Variants in FAT1 observed in about 807,000 individuals in gnomAD.
FAT1 encodes FAT atypical cadherin 1, also known as protocadherin Fat 1.
A neutral mutation model predicts 329.8 loss-of-function variants in FAT1; 171 were observed. The observed-to-expected ratio is 0.52, with a 90% confidence interval of 0.46 to 0.59. The LOEUF (loss-of-function observed/expected upper bound fraction) is 0.59, where lower values mean the gene tolerates loss of function less well. Among genes scored for constraint, FAT1 ranks in the 20% least tolerant of loss-of-function variants. The pLI, the probability that FAT1 is intolerant of heterozygous loss-of-function variation, is 0.00. For synonymous variants in FAT1, 2,233 were observed against 2,228.6 expected, an observed-to-expected ratio of 1.00 and a Z score of -0.06; for missense variants, 5,672 against 5,774.4, an observed-to-expected ratio of 0.98 and a Z score of 0.57.
At chr4:186,694,447 G>A (rs1293485293) in intron 2 of FAT1, among the ~76,000 whole-genome samples, 1 of 152,182 alleles carries the variant, frequency 6.6e-6, no homozygotes, top group East Asian at 1.9e-4. Flanking sequence ...GAGTTCCTAA[G>A]TAGCAAGAAG....
chr4:186,619,719 C>A lies in FAT1; in HGVS notation c.6867G>T (p.Ala2289=), dbSNP rs765727306. The part of the protein sequence containing the change: ...NPPVFAQQSY[A]VTLSEASVIG... ...TTACAGATGCCTCAGACAGGGTCAC[C>A]GCATAAGACTGCTGAGCAAACACAG... Residue 2289 remains alanine, a synonymous_variant, in exon 10 of 27, where the codon GCG becomes GCT. Transcript: ENST00000441802. 3 of 1,613,792 alleles carry A rather than the reference C, an allele frequency of 1.9e-6. No individual in the cohort carries two copies. The highest frequency in any genetic ancestry group is 2.5e-6 in the Non-Finnish European group (3 of 1,179,894).
intron 3 of FAT1, among the ~76,000 whole-genome samples, chr4:186,651,782 C>G (rs1236837634): frequency 6.6e-6 from 1 of 152,224 alleles, no homozygotes; most frequent in Admixed American, 6.5e-5. Flanking sequence ...CCTCAGAGCT[C>G]TGGACTGTGA....
Position 186,617,104 on chromosome 4 carries a change from G to C in FAT1, c.8976C>G (p.Tyr2992Ter). Residue 2992 changes from tyrosine to a stop codon, truncating the protein, a stop_gained, in exon 11 of 27, where the codon TAC (tyrosine) becomes TAG (stop). Transcript: ENST00000441802. LOFTEE classifies it high-confidence loss of function. ...KPLDREKRDNYLLTITATDGT... is the reference protein window; with the variant it reads ...KPLDREKRDN ...CATCAGTTGCCGTGATAGTAAGAAG[G>C]TAATTGTCCCTTTTTTCCCTGTCTA... 1 of 1,613,920 alleles carries C rather than the reference G, an allele frequency of 6.2e-7. No homozygotes were observed. The highest frequency in any genetic ancestry group is 8.5e-7 in the Non-Finnish European group (1 of 1,179,822).
Position 186,617,998 on chromosome 4 carries a change from T to A in FAT1, c.8588A>T (p.Asn2863Ile), listed in dbSNP as rs2126490068. 6.2e-7 allele frequency: 1 copy of A among 1,614,050 alleles called. No homozygotes were observed. The highest frequency in any genetic ancestry group is 8.5e-7 in the Non-Finnish European group (1 of 1,179,900). ...SVEVIESFAI[N>I]METGWITTLK... ...AGTTGTAATCCAGCCTGTTTCCATG[T>A]TAATGGCAAAGGATTCAATGACTTC... Residue 2863 changes from asparagine to isoleucine, a missense_variant, in exon 10 of 27, where the codon AAC becomes ATC. Coordinates refer to ENST00000441802, the MANE Select transcript of FAT1 (RefSeq NM_005245.4).
chr4:186,649,518 A>G (rs1411000725), intron 3 of FAT1, among the ~76,000 whole-genome samples: 1 of 152,188 alleles, frequency 6.6e-6, no homozygotes, highest in African/African-American at 2.4e-5. Flanking sequence ...TTCAATAGCA[A>G]GAGTCTTTTT....
intron 2 of FAT1, among the ~76,000 whole-genome samples, chr4:186,700,977 G>A (rs140502576): frequency 1.3e-5 from 2 of 152,288 alleles, no homozygotes; most frequent in Admixed American, 6.5e-5. Flanking sequence ...TGCACACTCT[G>A]AGAATTACAT....
At chr4:186,684,268 G>A (rs1238621196) in intron 2 of FAT1, among the ~76,000 whole-genome samples, 1 of 152,102 alleles carries the variant, frequency 6.6e-6, no homozygotes, top group Non-Finnish European at 1.5e-5. Context: ...GTCTCATCTA[G>A]ACTGAATCTC....
intron 3 of FAT1, among the ~76,000 whole-genome samples, chr4:186,655,614 G>C (rs1476482950): frequency 6.6e-6 from 1 of 151,756 alleles, no homozygotes; most frequent in East Asian, 1.9e-4. Flanking sequence ...TTTGTTTTTA[G>C]CAGACATGGG....
At chr4:186,670,306 T>C (rs80097017) in intron 2 of FAT1, among the ~76,000 whole-genome samples, 8,821 of 152,246 alleles carry the variant, frequency 0.058, 298 homozygotes, top group East Asian at 0.14. Context: ...AAGGCAGCAA[T>C]TGTATTAAAA....
intron 6 of FAT1, among the ~76,000 whole-genome samples, chr4:186,635,111 A>C (rs534247259): frequency 4.6e-5 from 7 of 152,334 alleles, no homozygotes; most frequent in African/African-American, 1.7e-4. Flanking sequence ...ATTTAGCATG[A>C]AAGTTCCAAA....
chr4:186,603,361 A>T lies in FAT1; in HGVS notation c.11165T>A (p.Ile3722Asn), dbSNP rs370582269. ...LHKINSSVTD[I>N]EEIIGVRILN... ...TATCCTAACTCCAATGATTTCCTCAATGTCAGTCACGGAAGAGTTAATCTT... is the reference window on the plus strand; with the variant it reads ...TATCCTAACTCCAATGATTTCCTCATTGTCAGTCACGGAAGAGTTAATCTT... The change falls in exon 19 of 27, where the codon ATT (isoleucine) becomes AAT (asparagine). Residue 3722 changes from isoleucine (I) to asparagine (N), a missense_variant. This residue lies in a region of FAT1 where 1,706 missense variants were observed against 1,859.1 expected (regional missense o/e 0.92). Coordinates refer to ENST00000441802, the MANE Select transcript of FAT1 (RefSeq NM_005245.4). 1.9e-6 allele frequency: 3 copies of T among 1,613,976 alleles called. No homozygotes were observed. The highest frequency in any genetic ancestry group is 3.3e-4 in the Middle Eastern group (2 of 6,062).
At chr4:186,662,270 T>G (rs1276512111) in intron 3 of FAT1, among the ~76,000 whole-genome samples, 1 of 152,210 alleles carries the variant, frequency 6.6e-6, no homozygotes, top group African/African-American at 2.4e-5. Context: ...CTCTTATGTT[T>G]GACAATGCCT....
chr4:186,670,724 C>T (rs529397836), intron 2 of FAT1, among the ~76,000 whole-genome samples: 1 of 152,054 alleles, frequency 6.6e-6, no homozygotes, highest in African/African-American at 2.4e-5. Flanking sequence ...AGAATTGTTA[C>T]GTGTTTGGTT....
At chr4:186,633,620 A>ACC (rs1740689844) in intron 7 of FAT1, 64 bp downstream of exon 7, 3 of 1,584,320 alleles carry the variant, frequency 1.9e-6, no homozygotes, top group Non-Finnish European at 2.6e-6. Flanking sequence ...TTGCCCGTGG[A>ACC]CCCCTAAGTC....
chr4:186,713,916 G>A (rs1410677184), intron 1 of FAT1, among the ~76,000 whole-genome samples: 5 of 152,142 alleles, frequency 3.3e-5, no homozygotes, highest in African/African-American at 7.2e-5. Flanking sequence ...CAAACACCCA[G>A]GCTCAAGCGA....
At position 186,588,583 on chromosome 4, in the gene FAT1, A is replaced by G. The variant is rs1008890673; in HGVS notation, c.*9T>C. On this transcript the variant is annotated 3_prime_UTR_variant, in exon 27 of 27. Transcript: ENST00000441802. ...CACTAAAGTCAGGCACTTTGGGGGG[A>G]GTTGAGAGTCAGACTTCCGTGTGCT... The G allele has an allele frequency of 1.9e-6, 3 of 1,601,464 alleles. No individual in the cohort carries two copies. Among genetic ancestry groups the G allele is most frequent in the African/African-American group, 1.3e-5 (1 of 74,500 alleles).
intron 17 of FAT1, among the ~76,000 whole-genome samples, chr4:186,605,201 T>G (rs1214382785): frequency 3.7e-5 from 4 of 108,608 alleles, no homozygotes; most frequent in African/African-American, 3.8e-5. Flanking sequence ...GGGCAATGAG[T>G]GTAACTCCAT....
intron 2 of FAT1, among the ~76,000 whole-genome samples, chr4:186,696,287 A>C (rs1489959243): frequency 6.6e-6 from 1 of 152,224 alleles, no homozygotes; most frequent in Admixed American, 6.5e-5. Flanking sequence ...TATTAAGAAA[A>C]AGCACTTCCT....
At chr4:186,695,719 T>G (rs1460489137) in intron 2 of FAT1, among the ~76,000 whole-genome samples, 1 of 151,588 alleles carries the variant, frequency 6.6e-6, no homozygotes, top group Non-Finnish European at 1.5e-5. Context: ...AGCAGATTTT[T>G]TAAACATGCT....
Sources: gnomAD v4.1 joint callset for allele counts (sites outside exome capture counted in the v4.1 genomes callset) on GRCh38, gnomAD v4.1.1 for gene constraint, gnomAD v4.1.1 regional missense constraint, MANE v1.5 for transcripts, NCBI Gene and HGNC (gene_info 2026-07-23, HGNC 2026-07-21) for gene names.